GUF1: variants seen among roughly 807,000 people sequenced by gnomAD.
GUF1 encodes the protein translation factor GUF1, mitochondrial.
A neutral mutation model predicts 82.4 loss-of-function variants in GUF1; 78 were observed. The ratio of observed to expected loss-of-function variants is 0.95; its 90% CI spans 0.79 to 1.14. The LOEUF (loss-of-function observed/expected upper bound fraction) is 1.14, where lower values mean the gene tolerates loss of function less well. Among genes scored for constraint, GUF1 ranks in the 50% most tolerant of loss-of-function variants. The pLI is 0.00. For missense variants in GUF1, 814 were observed against 798.2 expected, an observed-to-expected ratio of 1.02 and a Z score of -0.24; for synonymous variants, 279 against 282.3, an observed-to-expected ratio of 0.99 and a Z score of 0.12.
chr4:44,697,374 A>AT, intron 15 of GUF1, 34 bp from the exon 16 acceptor site: 1 of 1,449,414 alleles, frequency 6.9e-7, no homozygotes, highest in Non-Finnish European at 9.5e-7. Flanking sequence ...GTATAATGGA[A>AT]TTATGTACTT....
At position 44,696,269 on chromosome 4, in the gene GUF1, G is replaced by A. The variant is rs1158118276; in HGVS notation, c.1835+535G>A. 9.2e-5 allele frequency among the ~76,000 whole-genome samples: 14 copies of A among 152,196 alleles called. No homozygotes were observed. The East Asian group carries it at 2.7e-3, about 29-fold the overall frequency. On this transcript the variant is annotated intron_variant, in intron 15 of 16. Transcript: ENST00000281543. ...AGATATGGAAGACAGGCTAATTTGT[G>A]TCGGACACTAGTCTTTCATGAAATG...
At chr4:44,690,895 T>C in intron 12 of GUF1, 35 bp downstream of exon 12, 1 of 1,489,182 alleles carries the variant, frequency 6.7e-7, no homozygotes, top group Non-Finnish European at 9.1e-7. Flanking sequence ...CAAAATTAGG[T>C]TTTAGTCCTC....
chr4:44,684,235 CTT>C (rs138077423), intron 6 of GUF1, among the ~76,000 whole-genome samples: 2,600 of 152,100 alleles, frequency 0.017, 74 homozygotes, highest in African/African-American at 0.056. Flanking sequence ...AGTGAAAAGT[CTT>C]TTTTCTTAGA....
chr4:44,683,874 A>G (rs1714907646), intron 6 of GUF1, among the ~76,000 whole-genome samples: 1 of 152,096 alleles, frequency 6.6e-6, no homozygotes, highest in Non-Finnish European at 1.5e-5. Context: ...CTGCTATACT[A>G]CATGGTAGTG....
At chr4:44,685,862 AT>A (rs978337671) in intron 6 of GUF1, 96 bp from the exon 7 acceptor site, 107 of 735,348 alleles carry the variant, frequency 1.5e-4, no homozygotes, top group Non-Finnish European at 1.7e-4. Flanking sequence ...AACTATTGGA[AT>A]TTTTTTTTCC....
rs984930112 is a variant in GUF1 at position 44,686,616 on chromosome 4, T to G, written c.841T>G (p.Ser281Ala). The change falls in exon 8 of 17, where the codon TCC becomes GCC. Residue 281 changes from serine to alanine, a missense_variant. By Grantham distance (99) the Ser-to-Ala change is moderately conservative. Coordinates refer to ENST00000281543, the MANE Select transcript of GUF1 (RefSeq NM_021927.3). The part of the protein sequence containing the change: ...ANVALFDGVV[S>A]KGDKIVSAHT... ...TGTAGCATTATTTGACGGAGTGGTT[T>G]CCAAAGGAGATAAAATTGTATCTGC... 6.2e-7 allele frequency: 1 copy of G among 1,611,946 alleles called. No homozygotes were observed. The highest frequency in any genetic ancestry group is 8.5e-7 in the Non-Finnish European group (1 of 1,178,482).
intron 6 of GUF1, 102 bp from the exon 7 acceptor site, chr4:44,685,857 T>G: frequency 2.9e-6 from 2 of 698,148 alleles, no homozygotes; most frequent in African/African-American, 1.8e-5. Context: ...TTGATAACTA[T>G]TGGAATTTTT....
intron 6 of GUF1, among the ~76,000 whole-genome samples, chr4:44,685,524 A>G (rs1425399408): frequency 6.6e-6 from 1 of 152,134 alleles, no homozygotes; most frequent in African/African-American, 2.4e-5. Flanking sequence ...CTAAAGTAGT[A>G]GTAAGATGCC....
At chr4:44,681,792 CT>C (rs990614137) in intron 4 of GUF1, among the ~76,000 whole-genome samples, 13 of 152,112 alleles carry the variant, frequency 8.5e-5, no homozygotes, top group African/African-American at 2.9e-4. Flanking sequence ...GCCGTTAAGC[CT>C]TTCCTGATCC....
chr4:44,688,015 G>A lies in GUF1; in HGVS notation c.947G>A (p.Gly316Glu). Reference sequence around the variant, plus strand: ...ATAATAATTTTATTTAGATATGCAGGACAGGTGGGCTATCTGATTGCTGGG... The same window carrying A: ...ATAATAATTTTATTTAGATATGCAGAACAGGTGGGCTATCTGATTGCTGGG... ...NEQPTHKLYA[G>E]QVGYLIAGMK... The change falls in exon 9 of 17, where the codon GGA (glycine) becomes GAA (glutamate). Residue 316 changes from glycine (G) to glutamate (E), a missense_variant. Physicochemically the swap from Gly to Glu is moderately conservative, Grantham distance 98. Coordinates refer to ENST00000281543, the MANE Select transcript of GUF1 (RefSeq NM_021927.3). 6.2e-7 allele frequency: 1 copy of A among 1,611,454 alleles called. No homozygotes were observed. The highest frequency in any genetic ancestry group is 8.5e-7 in the Non-Finnish European group (1 of 1,178,186).
rs1006320480 is a variant in GUF1 at position 44,686,828 on chromosome 4, T to C, written c.938+115T>C. The C allele has an allele frequency of 4.2e-6, 3 of 710,894 alleles. No homozygotes were observed. The African/African-American group carries it at 5.3e-5, about 13-fold the overall frequency. 44.0% of individuals were successfully genotyped at this position (710,894 alleles called of 1,614,324 possible). On this transcript the variant is annotated intron_variant, in intron 8 of 16. Coordinates refer to ENST00000281543, the MANE Select transcript of GUF1 (RefSeq NM_021927.3). ...TCATTTGGTAACTTAAAAAAAACTA[T>C]TTAATGCAACTATACAGTAAATGCT...
At position 44,698,669 on chromosome 4, in the gene GUF1, A is replaced by G. The variant is rs764774576; in HGVS notation, c.1998A>G (p.Gln666=). Reference sequence around the variant, plus strand: ...CTTTTATAAAAGTTCTGAAAACACAATCTTCTAAATAATTGGTGGGAAAAC... The same window carrying G: ...CTTTTATAAAAGTTCTGAAAACACAGTCTTCTAAATAATTGGTGGGAAAAC... ...KDAFIKVLKT[Q]SSK The change falls in exon 17 of 17, where the codon CAA becomes CAG. Residue 666 remains glutamine, a synonymous_variant. Coordinates refer to ENST00000281543, the MANE Select transcript of GUF1 (RefSeq NM_021927.3). 5 of 1,592,824 alleles carry G rather than the reference A, an allele frequency of 3.1e-6. No individual in the cohort carries two copies. Among genetic ancestry groups the G allele is most frequent in the Non-Finnish European group, 4.3e-6 (5 of 1,174,168 alleles).
At chr4:44,697,682 A>G (rs1223422987) in intron 16 of GUF1, among the ~76,000 whole-genome samples, 1 of 140,656 alleles carries the variant, frequency 7.1e-6, no homozygotes, top group African/African-American at 2.5e-5. Flanking sequence ...AATTGTTCTT[A>G]TATGTAATAC....
intron 8 of GUF1, among the ~76,000 whole-genome samples, chr4:44,687,428 T>C (rs1176801876): frequency 6.6e-6 from 1 of 151,972 alleles, no homozygotes; most frequent in Non-Finnish European, 1.5e-5. Flanking sequence ...TATTCTGCCA[T>C]ATATACCAAA....
intron 6 of GUF1, among the ~76,000 whole-genome samples, chr4:44,683,531 C>G (rs1408909443): frequency 1.3e-5 from 2 of 152,032 alleles, no homozygotes; most frequent in Admixed American, 1.3e-4. Flanking sequence ...GTTAAAGGAA[C>G]TGAGGCTCAA....
intron 12 of GUF1, 145 bp downstream of exon 12, chr4:44,691,005 A>C: frequency 2.3e-6 from 1 of 432,922 alleles, no homozygotes; most frequent in East Asian, 3.6e-5. Flanking sequence ...ATATCTATAC[A>C]CATAGATATG....
rs528401182 is a variant in GUF1, at chr4:44,686,660, C to A, written c.885C>A (p.Tyr295Ter). The A allele has an allele frequency of 6.2e-7, 1 of 1,611,460 alleles. No individual in the cohort carries two copies. The highest frequency in any genetic ancestry group is 1.3e-5 in the African/African-American group (1 of 74,856). ...KIVSAHTQKT[Y>*]EVNEVGVLNP... ...TATCTGCACATACTCAAAAGACATACGAAGTTAATGAAGTAGGAGTCTTGA... is the reference window on the plus strand; with the variant it reads ...TATCTGCACATACTCAAAAGACATAAGAAGTTAATGAAGTAGGAGTCTTGA... The change falls in exon 8 of 17, where the codon TAC becomes TAA. Residue 295 changes from tyrosine (Y) to a stop codon, truncating the protein, a stop_gained. Coordinates refer to ENST00000281543, the MANE Select transcript of GUF1 (RefSeq NM_021927.3). LOFTEE classifies it high-confidence loss of function.
chr4:44,681,346 T>C (rs973226370), intron 4 of GUF1, 143 bp downstream of exon 4: 1 of 609,574 alleles, frequency 1.6e-6, no homozygotes, highest in African/African-American at 1.8e-5. Context: ...AATCATATGG[T>C]TTCATCCTGT....
intron 5 of GUF1, 90 bp from the exon 6 acceptor site, chr4:44,683,145 G>C: frequency 1.4e-6 from 1 of 726,520 alleles, no homozygotes; most frequent in Non-Finnish European, 2.2e-6. Context: ...AGGTTAAAGT[G>C]GGTAAGCTTT....
Sources: allele counts gnomAD v4.1 joint callset (sites outside exome capture counted in the v4.1 genomes callset), GRCh38; gene constraint gnomAD v4.1.1; transcripts MANE v1.5; gene names NCBI Gene and HGNC (gene_info 2026-07-23, HGNC 2026-07-21).